Variants in CSE1L observed in about 807,000 individuals in gnomAD.
The protein encoded by CSE1L is chromosome segregation 1 like.
A neutral mutation model predicts 120.4 loss-of-function variants in CSE1L; 24 were observed. The ratio of observed to expected loss-of-function variants is 0.20; its 90% CI spans 0.14 to 0.28. CSE1L has a LOEUF of 0.28. Ranked by LOEUF, CSE1L falls within the 10% of genes least tolerant of loss-of-function variation. The pLI is 1.00. For missense variants in CSE1L, 830 were observed against 1,145.2 expected (o/e 0.72, Z 3.97); for synonymous variants, 402 against 398.3 (o/e 1.01, Z -0.11).
Position 49,094,935 on chromosome 20 carries a change from A to G in CSE1L, c.2798A>G (p.His933Arg). The G allele has an allele frequency of 6.2e-7, 1 of 1,614,134 alleles. No homozygotes were observed. Among genetic ancestry groups the G allele is most frequent in the Non-Finnish European group, 8.5e-7 (1 of 1,180,000 alleles). Residue 933 changes from histidine to arginine, a missense_variant, in exon 24 of 25, where the codon CAC (histidine) becomes CGC (arginine). Physicochemically the swap from His to Arg is conservative, Grantham distance 29. Transcript: ENST00000262982. ...AAAATTCACCTGGCACAGTCACTTC[A>G]CAAGTTGTCTACCGCCTGTCCAGGA... is the stretch of plus-strand genomic sequence containing the variant. ...NPKIHLAQSL[H>R]KLSTACPGRV...
chr20:49,064,596 C>T lies in CSE1L; in HGVS notation c.228+1252C>T, dbSNP rs150383246. Among the ~76,000 whole-genome samples the T allele has an allele frequency of 2.0e-3, 305 of 152,050 alleles. 1 individual carries two copies. Among genetic ancestry groups the T allele is most frequent in the African/African-American group, 7.0e-3 (289 of 41,454 alleles). On this transcript the variant is annotated intron_variant, in intron 3 of 24. Transcript: ENST00000262982. ...ATATGGTGGTGCACGGCCTGTAGTC[C>T]CAGCCATTAGGGAGGCTGAGATGAG...
At chr20:49,064,316 A>G (rs1488260707) in intron 3 of CSE1L, among the ~76,000 whole-genome samples, 1 of 152,270 alleles carries the variant, frequency 6.6e-6, no homozygotes, top group Non-Finnish European at 1.5e-5. Flanking sequence ...AAACTGCTCA[A>G]AAACATCTTA....
chr20:49,062,674 A>T (rs1165071199), intron 2 of CSE1L, among the ~76,000 whole-genome samples: 1 of 152,042 alleles, frequency 6.6e-6, no homozygotes, highest in Non-Finnish European at 1.5e-5. Flanking sequence ...GGTTTTTTAA[A>T]TGCTATCTAC....
At chr20:49,068,444 A>G (rs2091909626) in intron 6 of CSE1L, among the ~76,000 whole-genome samples, 1 of 151,908 alleles carries the variant, frequency 6.6e-6, no homozygotes. Flanking sequence ...AAAAACAAAA[A>G]CAAAATTAGC....
chr20:49,090,926 T>A lies in CSE1L; in HGVS notation c.2280-11T>A, dbSNP rs200346370. The A allele has an allele frequency of 1.4e-5, 22 of 1,600,200 alleles. No homozygotes were observed. The highest frequency in any genetic ancestry group is 1.3e-4 in the African/African-American group (10 of 74,202). Reference sequence around the variant, plus strand: ...CTAAATTTATATTGTTGATTTTTTTTAATTCTTTAGTGAATCAGTTGACCA... The same window carrying A: ...CTAAATTTATATTGTTGATTTTTTTAAATTCTTTAGTGAATCAGTTGACCA... On this transcript the variant is annotated splice_polypyrimidine_tract_variant and intron_variant, in intron 20 of 24. Transcript: ENST00000262982.
chr20:49,056,553 C>T (rs952983793), intron 1 of CSE1L, among the ~76,000 whole-genome samples: 7 of 152,146 alleles, frequency 4.6e-5, no homozygotes, highest in African/African-American at 1.7e-4. Flanking sequence ...AAAAAGTTCC[C>T]TCAGTTTGCA....
At chr20:49,081,362 C>CAGCCTTGAACTCCTGGGCTCA (rs1177517629) in intron 14 of CSE1L, among the ~76,000 whole-genome samples, 1 of 152,224 alleles carries the variant, frequency 6.6e-6, no homozygotes, top group African/African-American at 2.4e-5. Flanking sequence ...CAGCTCACTG[C>CAGCCTTGAACTCCTGGGCTCA]AGCCTTGAAC....
chr20:49,071,693 C>T lies in CSE1L; in HGVS notation c.769-593C>T, dbSNP rs538493670. 1.3e-3 allele frequency among the ~76,000 whole-genome samples: 204 copies of T among 152,224 alleles called. 3 individuals carry two copies. The highest frequency in any genetic ancestry group is 4.8e-3 in the African/African-American group (198 of 41,542). ...GGCTTGCTGTGTTGCCCAGGCTAGA[C>T]TCAAAACTCCTGGGCTTGGCCCGTC... On this transcript the variant is annotated intron_variant, in intron 8 of 24. Transcript: ENST00000262982.
intron 19 of CSE1L, 42 bp downstream of exon 19, chr20:49,089,788 T>C (rs200310302): frequency 6.4e-7 from 1 of 1,563,624 alleles, no homozygotes; most frequent in African/African-American, 1.4e-5. Context: ...ATAAAGTAGC[T>C]TGGAGAAACT....
chr20:49,074,638 T>C, intron 10 of CSE1L, 147 bp from the exon 11 acceptor site: 1 of 503,296 alleles, frequency 2.0e-6, no homozygotes, highest in Non-Finnish European at 3.5e-6. Flanking sequence ...CTCTAGATAA[T>C]GATTAAGAGT....
chr20:49,083,029 T>C (rs2092025811), intron 14 of CSE1L, among the ~76,000 whole-genome samples: 1 of 151,730 alleles, frequency 6.6e-6, no homozygotes, highest in South Asian at 2.1e-4. Context: ...TTTTCTTTTT[T>C]CTTTTTTTTT....
chr20:49,092,755 A>G (rs1048748919), intron 22 of CSE1L, among the ~76,000 whole-genome samples: 3 of 152,050 alleles, frequency 2.0e-5, no homozygotes, highest in Admixed American at 6.6e-5. Flanking sequence ...AACTTGGCAC[A>G]TGTATACATA....
chr20:49,046,736 A>G (rs531164663), intron 1 of CSE1L, among the ~76,000 whole-genome samples: 1 of 152,284 alleles, frequency 6.6e-6, no homozygotes, highest in Non-Finnish European at 1.5e-5. Flanking sequence ...CCTCTCCATC[A>G]CGGCGCTGAT....
chr20:49,067,924 C>G (rs1370155029), intron 6 of CSE1L, among the ~76,000 whole-genome samples: 1 of 101,672 alleles, frequency 9.8e-6, no homozygotes, highest in East Asian at 2.7e-4. Flanking sequence ...TTTTTTCCCT[C>G]TCTCTTTTTT....
rs549477395 is a variant in CSE1L at position 49,046,754 on chromosome 20, G to A, written c.-12+331G>A. On this transcript the variant is annotated intron_variant, in intron 1 of 24. Transcript: ENST00000262982. ...CTCCATCACGGCGCTGATTGGCTGCGCCGCCGCCTCTCCGCTCGGGAAGGC... is the reference window on the plus strand; with the variant it reads ...CTCCATCACGGCGCTGATTGGCTGCACCGCCGCCTCTCCGCTCGGGAAGGC... Among the ~76,000 whole-genome samples, 294 of 152,324 alleles carry A rather than the reference G, an allele frequency of 1.9e-3. 3 individuals carry two copies. The highest frequency in any genetic ancestry group is 6.2e-3 in the African/African-American group (257 of 41,578).
chr20:49,090,773 T>C lies in CSE1L; in HGVS notation c.2213T>C (p.Ile738Thr), dbSNP rs1401927778. ...TTACTAGGTGTCTTTCAGAAGCTGATTGCATCCAAAGCAAATGACCACCAA... is the reference window on the plus strand; with the variant it reads ...TTACTAGGTGTCTTTCAGAAGCTGACTGCATCCAAAGCAAATGACCACCAA... ...PGLLGVFQKL[I>T]ASKANDHQGF... is the part of the protein sequence containing the mutation. Residue 738 changes from isoleucine (I) to threonine (T), a missense_variant, in exon 20 of 25, where the codon ATT becomes ACT. By Grantham distance (89) the Ile-to-Thr change is moderately conservative. Coordinates refer to ENST00000262982, the MANE Select transcript of CSE1L (RefSeq NM_001316.4). The C allele has an allele frequency of 6.2e-7, 1 of 1,613,848 alleles. No individual in the cohort carries two copies. Among genetic ancestry groups the C allele is most frequent in the Non-Finnish European group, 8.5e-7 (1 of 1,179,938 alleles).
chr20:49,048,252 G>A (rs966434911), intron 1 of CSE1L, among the ~76,000 whole-genome samples: 9 of 150,974 alleles, frequency 6.0e-5, no homozygotes, highest in Non-Finnish European at 1.2e-4. Flanking sequence ...TGCAAGGGAA[G>A]TCTCTCTCCC....
Position 49,046,403 on chromosome 20 carries a change from C to T in CSE1L, c.-32C>T, listed in dbSNP as rs2091710422. The T allele has an allele frequency of 6.6e-6, 1 of 152,374 alleles. No homozygotes were observed. Among genetic ancestry groups the T allele is most frequent in the Admixed American group, 6.5e-5 (1 of 15,286 alleles). 9.4% of individuals were successfully genotyped at this position (152,374 alleles called of 1,614,324 possible). A position where few individuals can be genotyped will look rare whatever the true frequency, so the allele number is the denominator to read the frequency against. ...CGGTCCGCGGCTGGGGTTCCCTCCT[C>T]CGTTTCTGTATCCCCACGAGGTGAG... is the stretch of plus-strand genomic sequence containing the variant. On this transcript the variant is annotated 5_prime_UTR_variant, in exon 1 of 25. Transcript: ENST00000262982.
At chr20:49,070,174 C>T (rs758682941) in intron 7 of CSE1L, 31 bp from the exon 8 acceptor site, 1 of 1,045,960 alleles carries the variant, frequency 9.6e-7, no homozygotes, top group East Asian at 2.5e-5. Flanking sequence ...ATATTTTAAT[C>T]AAAAGTTTCA....
Sources: gnomAD v4.1 joint callset for allele counts (sites outside exome capture counted in the v4.1 genomes callset) on GRCh38, gnomAD v4.1.1 for gene constraint, MANE v1.5 for transcripts, NCBI Gene and HGNC (gene_info 2026-07-23, HGNC 2026-07-21) for gene names.